Variants in PLEKHA1 observed in about 807,000 individuals in gnomAD.
PLEKHA1 encodes the protein pleckstrin homology domain containing A1, also known as pleckstrin homology domain-containing family A member 1.
PLEKHA1 carries 34 observed loss-of-function variants against 52.0 expected under a neutral mutation model. The ratio of observed to expected loss-of-function variants is 0.65; its 90% CI spans 0.50 to 0.87. PLEKHA1 has a LOEUF of 0.87. Among genes scored for constraint, PLEKHA1 ranks in the 40% least tolerant of loss-of-function variants. The pLI, the probability that PLEKHA1 is intolerant of heterozygous loss-of-function variation, is 0.00. For synonymous variants in PLEKHA1, 163 were observed against 170.7 expected, an observed-to-expected ratio of 0.95 and a Z score of 0.35; for missense variants, 497 against 504.2, an observed-to-expected ratio of 0.99 and a Z score of 0.14.
chr10:122,404,847 A>C (rs2096984209), intron 4 of PLEKHA1, among the ~76,000 whole-genome samples: 1 of 152,222 alleles, frequency 6.6e-6, no homozygotes, highest in Non-Finnish European at 1.5e-5. Context: ...TTTTGGTCTC[A>C]GTCCCAATTT....
At chr10:122,427,450 G>GT (rs1565340060) in intron 11 of PLEKHA1, among the ~76,000 whole-genome samples, 1 of 152,078 alleles carries the variant, frequency 6.6e-6, no homozygotes, top group Non-Finnish European at 1.5e-5. Context: ...TTCAGTTCAG[G>GT]TTTTTTGGTT....
At chr10:122,434,459 T>A (rs377255028), downstream of PLEKHA1, 2 of 152,108 alleles carry the variant, frequency 1.3e-5, no homozygotes, top group Non-Finnish European at 1.5e-5. Context: ...TTTAGGCAAG[T>A]GTGTGTGTTT....
chr10:122,399,906 C>T (rs2096904507), intron 3 of PLEKHA1, among the ~76,000 whole-genome samples: 1 of 151,412 alleles, frequency 6.6e-6, no homozygotes, highest in Non-Finnish European at 1.5e-5. Context: ...ACTTTAAATA[C>T]ACAGTCTCCT....
chr10:122,387,140 ATTGT>A (rs1042793553), intron 1 of PLEKHA1: 1 of 151,912 alleles, frequency 6.6e-6, no homozygotes, highest in African/African-American at 2.4e-5. Context: ...TTTAATTTGT[ATTGT>A]TTGTTTTCAA....
chr10:122,415,710 A>G, intron 6 of PLEKHA1, 149 bp from the exon 7 acceptor site: 1 of 728,438 alleles, frequency 1.4e-6, no homozygotes, highest in South Asian at 2.5e-5. Context: ...GAAAATTAAG[A>G]GTAAGTATCT....
chr10:122,424,717 A>T (rs952857995), intron 9 of PLEKHA1, among the ~76,000 whole-genome samples, 179 bp from the exon 10 acceptor site: 13 of 152,350 alleles, frequency 8.5e-5, no homozygotes, highest in Admixed American at 8.5e-4. Flanking sequence ...TCTAAAAGTG[A>T]AACTACATGA....
intron 4 of PLEKHA1, among the ~76,000 whole-genome samples, chr10:122,406,210 A>C (rs1350260033): frequency 6.6e-6 from 1 of 152,206 alleles, no homozygotes; most frequent in Non-Finnish European, 1.5e-5. Flanking sequence ...CTTTGACCCA[A>C]CAAATCTATG....
intron 5 of PLEKHA1, among the ~76,000 whole-genome samples, chr10:122,408,736 C>G (rs1348492506): frequency 6.6e-6 from 1 of 152,080 alleles, no homozygotes; most frequent in Non-Finnish European, 1.5e-5. Context: ...TTACCAGTTT[C>G]ATGTGCATTT....
At position 122,415,835 on chromosome 10, in the gene PLEKHA1, T is replaced by C. The variant is rs376616221; in HGVS notation, c.469-24T>C. ...GTATGCTAAACAAGCAAGAAAATAA[T>C]TTATTTATTTTGCTTCATTTTAGAA... On this transcript the variant is annotated intron_variant, in intron 6 of 11. Transcript: ENST00000368990. The C allele has an allele frequency of 6.5e-5, 102 of 1,575,960 alleles. No individual in the cohort carries two copies. In the African/African-American group the frequency reaches 1.2e-3, roughly 19 times the overall value.
chr10:122,411,609 C>T (rs2097107617), intron 5 of PLEKHA1, among the ~76,000 whole-genome samples: 1 of 152,130 alleles, frequency 6.6e-6, no homozygotes, highest in Non-Finnish European at 1.5e-5. Context: ...TTTTGGGCTG[C>T]ACTATAGATA....
chr10:122,375,146 A>AGGCCCGCGGCGGTCGCGG (rs1340950052), intron 1 of PLEKHA1, among the ~76,000 whole-genome samples: 1 of 149,328 alleles, frequency 6.7e-6, no homozygotes, highest in African/African-American at 2.5e-5. Context: ...GGAGGGCGGG[A>AGGCCCGCGGCGGTCGCGG]GGCCCGCGGC....
At chr10:122,429,081 T>G (rs893658753) in intron 11 of PLEKHA1, among the ~76,000 whole-genome samples, 3 of 152,302 alleles carry the variant, frequency 2.0e-5, no homozygotes, top group South Asian at 4.1e-4. Flanking sequence ...TTGGTTGCAG[T>G]GAAATTCAGG....
In PLEKHA1 at chr10:122,415,960, T is replaced by C. The variant is rs1321957484; in HGVS notation, c.570T>C (p.Ser190=). The part of the protein sequence containing the change: ...PYFTPKPPQD[S]AVIKAGYCVK... ...TTACTCCTAAACCACCTCAAGATAGTGCGGTTATCAAAGCTGGATATTGTG... is the reference window on the plus strand; with the variant it reads ...TTACTCCTAAACCACCTCAAGATAGCGCGGTTATCAAAGCTGGATATTGTG... Residue 190 remains serine, a synonymous_variant, in exon 7 of 12, where the codon AGT becomes AGC. Transcript: ENST00000368990. The C allele has an allele frequency of 2.5e-6, 4 of 1,613,354 alleles. No homozygotes were observed. The highest frequency in any genetic ancestry group is 3.4e-6 in the Non-Finnish European group (4 of 1,179,610).
chr10:122,382,783 GTTTTC>G (rs937782037), intron 1 of PLEKHA1, among the ~76,000 whole-genome samples: 20 of 151,986 alleles, frequency 1.3e-4, no homozygotes, highest in Non-Finnish European at 1.5e-4. Flanking sequence ...ACAAATAAAT[GTTTTC>G]TTTTATTTTA....
chr10:122,387,873 G>A (rs1341220382), intron 1 of PLEKHA1: 1 of 152,184 alleles, frequency 6.6e-6, no homozygotes, highest in Non-Finnish European at 1.5e-5. Context: ...GACTTCTAGA[G>A]TGAGCATTCT....
intron 5 of PLEKHA1, among the ~76,000 whole-genome samples, chr10:122,408,158 T>A (rs754876853): frequency 5.9e-5 from 9 of 152,254 alleles, no homozygotes; most frequent in Non-Finnish European, 5.9e-5. Flanking sequence ...TTGAAAAATT[T>A]CTTTAGAAAG....
At chr10:122,386,309 T>C (rs1263656299) in intron 1 of PLEKHA1, among the ~76,000 whole-genome samples, 1 of 424 alleles carries the variant, frequency 2.4e-3, no homozygotes, top group East Asian at 5.6e-3. Context: ...GTGTTCCAAG[T>C]TTTTTTTTTT....
rs1259131449 is a variant in PLEKHA1, at chr10:122,431,081, T to G, written c.*1143T>G. ...GATATAAGCACCTCTCTAAAGAATC[T>G]TTAGTTTCCGACGTTGAATTATAGA... On this transcript the variant is annotated 3_prime_UTR_variant, in exon 12 of 12. Coordinates refer to ENST00000368990, the MANE Select transcript of PLEKHA1 (RefSeq NM_001001974.4). 6.6e-6 allele frequency: 1 copy of G among 152,564 alleles called. No homozygotes were observed. The highest frequency in any genetic ancestry group is 1.9e-4 in the East Asian group (1 of 5,188). The allele number at this position is 152,564 out of a possible 1,614,324, so 9.5% of individuals were successfully genotyped here. A position where few individuals can be genotyped will look rare whatever the true frequency, so the allele number is the denominator to read the frequency against.
chr10:122,392,581 A>G (rs2096791523), intron 1 of PLEKHA1, among the ~76,000 whole-genome samples: 1 of 151,860 alleles, frequency 6.6e-6, no homozygotes. Context: ...ATAAGATAGG[A>G]GATCTAGAGT....
Sources: gnomAD v4.1 joint callset for allele counts (sites outside exome capture counted in the v4.1 genomes callset) on GRCh38, gnomAD v4.1.1 for gene constraint, MANE v1.5 for transcripts, NCBI Gene and HGNC (gene_info 2026-07-23, HGNC 2026-07-21) for gene names.